SRGAP3: variants seen among roughly 807,000 people sequenced by gnomAD.
The protein encoded by SRGAP3 is SLIT-ROBO Rho GTPase activating protein 3.
In SRGAP3, 39 loss-of-function variants were observed where a neutral mutation model predicts 121.1. The observed-to-expected ratio is 0.32, with a 90% CI of 0.25 to 0.42. SRGAP3 has a LOEUF of 0.42. SRGAP3 is among the 10% of genes least tolerant of loss of function. The pLI, the probability that SRGAP3 is intolerant of heterozygous loss-of-function variation, is 1.00. For synonymous variants in SRGAP3, 601 were observed against 570.0 expected (o/e 1.05, Z -0.77); for missense variants, 1,213 against 1,470.6 (o/e 0.82, Z 2.86).
intron 12 of SRGAP3, chr3:9,028,114 G>C (rs947021173): frequency 6.2e-7 from 1 of 1,614,018 alleles, no homozygotes; most frequent in Non-Finnish European, 8.5e-7. Flanking sequence ...TTCCTGGTTC[G>C]AGCATTTCTT....
chr3:9,071,933 A>G (rs1465085367), intron 4 of SRGAP3, among the ~76,000 whole-genome samples: 2 of 152,182 alleles, frequency 1.3e-5, no homozygotes, highest in African/African-American at 4.8e-5. Context: ...TACTGGTGAG[A>G]CAGACAAATC....
intron 9 of SRGAP3, among the ~76,000 whole-genome samples, chr3:9,047,992 C>T (rs1945375469): frequency 6.6e-6 from 1 of 152,216 alleles, no homozygotes; most frequent in South Asian, 2.1e-4. Context: ...GAGAGGCTTT[C>T]CCATTAAAAT....
rs1953542442 is a variant in SRGAP3 at position 9,239,345 on chromosome 3, A to C, written c.67+9540T>G. Among the ~76,000 whole-genome samples, 1 of 152,228 alleles carries C rather than the reference A, an allele frequency of 6.6e-6. No individual in the cohort carries two copies. The highest frequency in any genetic ancestry group is 6.5e-5 in the Admixed American group (1 of 15,284). Reference sequence around the variant, plus strand: ...CAGTGAGCCAAGGTTGCACCACTGCATTCCAGTCTGGGCAACAGAGCAAGA... The same window carrying C: ...CAGTGAGCCAAGGTTGCACCACTGCCTTCCAGTCTGGGCAACAGAGCAAGA... On this transcript the variant is annotated intron_variant, in intron 1 of 21. Transcript: ENST00000383836. The surrounding 1 kb of genome is among the most constrained non-coding windows in gnomAD (Gnocchi z 4.0).
intron 1 of SRGAP3, among the ~76,000 whole-genome samples, chr3:9,211,525 T>G (rs1042541470): frequency 1.3e-5 from 2 of 152,196 alleles, no homozygotes; most frequent in Non-Finnish European, 2.9e-5. Context: ...ATAATGCAAT[T>G]TCTTATGGAT....
intron 18 of SRGAP3, among the ~76,000 whole-genome samples, chr3:9,004,857 G>A (rs541125229): frequency 3.9e-5 from 6 of 152,116 alleles, no homozygotes; most frequent in Non-Finnish European, 8.8e-5. Flanking sequence ...ACTTGGATTC[G>A]GCAAAGGCCT....
intron 1 of SRGAP3, among the ~76,000 whole-genome samples, chr3:9,242,321 G>A (rs990513012): frequency 3.3e-5 from 5 of 152,148 alleles, no homozygotes; most frequent in Non-Finnish European, 5.9e-5. Flanking sequence ...AGCAGCCCAA[G>A]CCAACTAAGA....
chr3:9,024,508 C>CA (rs1175363150), intron 14 of SRGAP3, among the ~76,000 whole-genome samples: 1 of 152,208 alleles, frequency 6.6e-6, no homozygotes, highest in Non-Finnish European at 1.5e-5. Context: ...TTTCCTGACC[C>CA]AGTGAGTCCT....
intron 6 of SRGAP3, chr3:9,059,953 A>G: frequency 2.3e-6 from 1 of 442,766 alleles, no homozygotes; most frequent in Non-Finnish European, 4.2e-6. Context: ...GGTGTCCAGG[A>G]GGGTACTTGG....
intron 3 of SRGAP3, among the ~76,000 whole-genome samples, chr3:9,083,713 G>C (rs1020767830): frequency 2.6e-5 from 4 of 152,178 alleles, no homozygotes; most frequent in Non-Finnish European, 5.9e-5. Context: ...GTGCATATGG[G>C]CAGGGACCCC....
chr3:9,036,013 A>G (rs548575820), intron 11 of SRGAP3: 1 of 152,304 alleles, frequency 6.6e-6, no homozygotes, highest in South Asian at 2.1e-4. Flanking sequence ...ACAATAATCA[A>G]ACCTTATATT....
At chr3:9,087,666 A>G (rs995181510) in intron 3 of SRGAP3, among the ~76,000 whole-genome samples, 8 of 152,318 alleles carry the variant, frequency 5.3e-5, no homozygotes, top group African/African-American at 1.4e-4. Flanking sequence ...TGAGCAGGAG[A>G]TAAGCCTGAG....
At chr3:9,139,049 G>A (rs935677048) in intron 1 of SRGAP3, among the ~76,000 whole-genome samples, 1 of 152,140 alleles carries the variant, frequency 6.6e-6, no homozygotes, top group Admixed American at 6.5e-5. Context: ...CCCCAAAGCT[G>A]TACCAGCACC....
rs753452580 is a variant in SRGAP3, at chr3:9,294,695, C to CGTGTGTGTGTGTGTGTGT, written n.442+31297_442+31314dup. On this transcript the variant is annotated intron_variant and non_coding_transcript_variant, in intron 3 of 3. Coordinates refer to the SRGAP3 transcript ENST00000490889. Reference sequence around the variant, plus strand: ...GCATTGAAATTGCTATTGAAGCTTTCGTGTGTGTGTGTGTGTGTGTGTGTG... The same window carrying CGTGTGTGTGTGTGTGTGT: ...GCATTGAAATTGCTATTGAAGCTTTCGTGTGTGTGTGTGTGTGTGTGTGTGTGTGTGTGTGTGTGTGTG... Among the ~76,000 whole-genome samples, 328 of 119,874 alleles carry CGTGTGTGTGTGTGTGTGT rather than the reference C, an allele frequency of 2.7e-3. 10 individuals are homozygous for CGTGTGTGTGTGTGTGTGT. The highest frequency in any genetic ancestry group is 0.021 in the Middle Eastern group (5 of 240). The allele number at this position is 119,874 out of a possible 152,430, so 78.6% of individuals were successfully genotyped here.
chr3:9,167,565 AGG>A (rs906820527), intron 1 of SRGAP3, among the ~76,000 whole-genome samples: 1 of 152,052 alleles, frequency 6.6e-6, no homozygotes, highest in African/African-American at 2.4e-5. Flanking sequence ...GTCAACGCCT[AGG>A]GGGGGAGCAG....
At chr3:9,102,668 G>A (rs550413124) in intron 3 of SRGAP3, among the ~76,000 whole-genome samples, 81 of 152,364 alleles carry the variant, frequency 5.3e-4, no homozygotes, top group African/African-American at 1.8e-3. Flanking sequence ...CTGTGGGCTG[G>A]GTTGTTTCCT....
intron 3 of SRGAP3, among the ~76,000 whole-genome samples, chr3:9,272,330 T>C (rs2875429): frequency 0.078 from 11,949 of 152,322 alleles, 587 homozygotes; most frequent in Admixed American, 0.14. Flanking sequence ...CACATTGTTG[T>C]GCAGCCAGCA....
intron 9 of SRGAP3, chr3:9,049,383 C>A: frequency 2.2e-6 from 1 of 456,072 alleles, no homozygotes; most frequent in South Asian, 1.5e-5. Flanking sequence ...CTTGTATCCA[C>A]AGAGCACTTG....
intron 10 of SRGAP3, among the ~76,000 whole-genome samples, chr3:9,038,710 G>A (rs908613579): frequency 2.6e-5 from 4 of 152,084 alleles, no homozygotes; most frequent in Admixed American, 6.5e-5. Flanking sequence ...ATGCCTCCAC[G>A]AGGCCCTCCC....
intron 11 of SRGAP3, chr3:9,037,271 C>G (rs1944792007): frequency 6.6e-6 from 1 of 152,200 alleles, no homozygotes; most frequent in Admixed American, 6.5e-5. Flanking sequence ...TGAATTCCAG[C>G]TAGGCAGTGC....
Sources: gnomAD v4.1 joint callset for allele counts (sites outside exome capture counted in the v4.1 genomes callset) on GRCh38, gnomAD v4.1.1 for gene constraint, Gnocchi (gnomAD v3.1) non-coding constraint, MANE v1.5 for transcripts, NCBI Gene and HGNC (gene_info 2026-07-23, HGNC 2026-07-21) for gene names.